The following MCTP2 variants were observed in gnomAD, a reference collection of about 807,000 sequenced individuals.
MCTP2 encodes the protein multiple C2 and transmembrane domain-containing protein 2.
A neutral mutation model predicts 111.6 loss-of-function variants in MCTP2; 132 were observed. The observed-to-expected ratio is 1.18, with a 90% CI of 1.03 to 1.37. The LOEUF (loss-of-function observed/expected upper bound fraction) is 1.37. MCTP2 is among the 40% of genes most tolerant of loss of function. The pLI, the probability that MCTP2 is intolerant of heterozygous loss-of-function variation, is 0.00. For synonymous variants in MCTP2, 395 were observed against 387.7 expected (o/e 1.02, Z -0.22); for missense variants, 1,183 against 1,067.9 (o/e 1.11, Z -1.50).
At chr15:94,477,009 A>G (rs2074418828) in intron 22 of MCTP2, among the ~76,000 whole-genome samples, 1 of 152,188 alleles carries the variant, frequency 6.6e-6, no homozygotes, top group South Asian at 2.1e-4. Context: ...CTACTTAAGT[A>G]TGATCTGGAA....
chr15:94,468,611 T>G (rs988896722), intron 20 of MCTP2, among the ~76,000 whole-genome samples: 1 of 152,156 alleles, frequency 6.6e-6, no homozygotes, highest in Non-Finnish European at 1.5e-5. Flanking sequence ...TACCTCATAA[T>G]AGGCAAAGAT....
intron 11 of MCTP2, among the ~76,000 whole-genome samples, chr15:94,368,845 C>T (rs556384298): frequency 1.4e-4 from 22 of 152,282 alleles, no homozygotes; most frequent in African/African-American, 5.1e-4. Flanking sequence ...ACATTAGATA[C>T]CATCATAATG....
At chr15:94,464,257 T>TATATATATATATATATA (rs4001978) in intron 20 of MCTP2, among the ~76,000 whole-genome samples, 4 of 44,944 alleles carry the variant, frequency 8.9e-5, no homozygotes, top group African/African-American at 2.4e-4. Flanking sequence ...TATATATATA[T>TATATATATATATATATA]TATATATATA....
chr15:94,302,119 A>G (rs1337350017), intron 2 of MCTP2, among the ~76,000 whole-genome samples: 1 of 152,154 alleles, frequency 6.6e-6, no homozygotes, highest in African/African-American at 2.4e-5. Flanking sequence ...AGGAGTGAGC[A>G]TCTGTGGCCT....
rs201944199 is a variant in MCTP2 at position 94,390,733 on chromosome 15, T to C, written c.1788+5208T>C. Among the ~76,000 whole-genome samples, 513 of 144,898 alleles carry C rather than the reference T, an allele frequency of 3.5e-3. 8 individuals are homozygous for C. In the East Asian group the frequency reaches 0.05, roughly 14 times the overall value. Reference sequence around the variant, plus strand: ...GCAATTTCTTTTCTTTTCTTTTTTTTTTTTTTTTTTTTTTGGGATGGAGTC... The same window carrying C: ...GCAATTTCTTTTCTTTTCTTTTTTTCTTTTTTTTTTTTTTGGGATGGAGTC... On this transcript the variant is annotated intron_variant, in intron 14 of 22. Coordinates refer to ENST00000357742, the MANE Select transcript of MCTP2 (RefSeq NM_001385001.1).
chr15:94,445,575 C>T (rs145482406), intron 19 of MCTP2, among the ~76,000 whole-genome samples: 6 of 152,222 alleles, frequency 3.9e-5, no homozygotes, highest in East Asian at 1.9e-4. Context: ...ATATGTATTA[C>T]GACACTTGGT....
At chr15:94,386,110 C>T (rs562064735) in intron 14 of MCTP2, among the ~76,000 whole-genome samples, 2 of 151,606 alleles carry the variant, frequency 1.3e-5, no homozygotes, top group East Asian at 3.9e-4. Context: ...CACCAGGGTC[C>T]GTGAAGGAAA....
At chr15:94,452,915 C>T (rs1004466179) in intron 19 of MCTP2, among the ~76,000 whole-genome samples, 1 of 152,066 alleles carries the variant, frequency 6.6e-6, no homozygotes. Flanking sequence ...GTAGCAAATG[C>T]ATTTTAAGGA....
chr15:94,249,445 TGTTCAAGTGAATGACATCATA>T (rs2072246119), intron 1 of MCTP2, among the ~76,000 whole-genome samples: 1 of 152,124 alleles, frequency 6.6e-6, no homozygotes, highest in African/African-American at 2.4e-5. Flanking sequence ...CCAAGGCAGA[TGTTCAAGTGAATGACATCATA>T]TTTCCCACTG....
At chr15:94,455,971 AGAT>A (rs1284988906) in intron 19 of MCTP2, among the ~76,000 whole-genome samples, 56 of 152,338 alleles carry the variant, frequency 3.7e-4, no homozygotes, top group African/African-American at 1.3e-3. Flanking sequence ...TTAAATATCC[AGAT>A]GATCAAATTT....
chr15:94,443,312 T>G (rs937869010), intron 19 of MCTP2, among the ~76,000 whole-genome samples: 1 of 152,208 alleles, frequency 6.6e-6, no homozygotes, highest in African/African-American at 2.4e-5. Context: ...TAGGCTCATG[T>G]CTGCACTCTG....
intron 17 of MCTP2, among the ~76,000 whole-genome samples, chr15:94,420,820 AG>A (rs1338711257): frequency 6.6e-6 from 1 of 152,218 alleles, no homozygotes; most frequent in Non-Finnish European, 1.5e-5. Flanking sequence ...TTGATAAAAC[AG>A]TGGAAGGGTT....
chr15:94,394,066 AAAAAAAT>A (rs1309499733), intron 14 of MCTP2, among the ~76,000 whole-genome samples: 18 of 151,408 alleles, frequency 1.2e-4, no homozygotes, highest in Admixed American at 2.0e-4. Flanking sequence ...AAAAAAAAAA[AAAAAAAT>A]GTAAAAAACG....
chr15:94,442,644 A>G (rs941123425), intron 18 of MCTP2, among the ~76,000 whole-genome samples: 3 of 152,048 alleles, frequency 2.0e-5, no homozygotes, highest in Admixed American at 1.3e-4. Context: ...AGAAAGTACA[A>G]CTCAGCAATG....
At chr15:94,379,205 C>T (rs2079959247) in intron 12 of MCTP2, among the ~76,000 whole-genome samples, 1 of 151,766 alleles carries the variant, frequency 6.6e-6, no homozygotes, top group African/African-American at 2.4e-5. Flanking sequence ...ATAGGGCAGC[C>T]TAGTGAAGTT....
At chr15:94,282,642 A>T (rs527667140) in intron 1 of MCTP2, among the ~76,000 whole-genome samples, 84 of 152,342 alleles carry the variant, frequency 5.5e-4, no homozygotes, top group African/African-American at 1.7e-3. Context: ...GAGATCTTGC[A>T]CTAGTTCTTT....
chr15:94,453,210 A>G (rs1205757872), intron 19 of MCTP2, among the ~76,000 whole-genome samples: 1 of 152,220 alleles, frequency 6.6e-6, no homozygotes, highest in Admixed American at 6.5e-5. Context: ...CTGGTAGCCC[A>G]TGAGATGCAT....
At position 94,298,453 on chromosome 15, in the gene MCTP2, C is replaced by T. The variant is rs2075376987; in HGVS notation, c.188C>T (p.Pro63Leu). 6.2e-7 allele frequency: 1 copy of T among 1,614,046 alleles called. No homozygotes were observed. Among genetic ancestry groups the T allele is most frequent in the South Asian group, 1.1e-5 (1 of 91,086 alleles). ...CTCCTGGAGGCTGAGGCCTTGGCCC[C>T]AGAGGGCCGGCCTTACTCCGGGCCA... ...PDLLEAEALA[P>L]EGRPYSGPQS... The change falls in exon 2 of 23, where the codon CCA becomes CTA. Residue 63 changes from proline (P) to leucine (L), a missense_variant. Coordinates refer to ENST00000357742, the MANE Select transcript of MCTP2 (RefSeq NM_001385001.1).
chr15:94,467,650 C>CTGAG (rs751091320), intron 20 of MCTP2, among the ~76,000 whole-genome samples: 65 of 151,952 alleles, frequency 4.3e-4, no homozygotes, highest in African/African-American at 1.5e-3. Context: ...ATTTATTTTA[C>CTGAG]TGAGTTTATT....
Sources: allele counts gnomAD v4.1 joint callset (sites outside exome capture counted in the v4.1 genomes callset), GRCh38; gene constraint gnomAD v4.1.1; transcripts MANE v1.5; gene names NCBI Gene and HGNC (gene_info 2026-07-23, HGNC 2026-07-21).